The following NCOA3 variants were observed in gnomAD, a reference collection of about 807,000 sequenced individuals.
NCOA3 encodes the protein CBP-interacting protein.
NCOA3 carries 51 observed loss-of-function variants against 158.8 expected under a neutral mutation model. The ratio of observed to expected loss-of-function variants is 0.32; its 90% CI spans 0.26 to 0.41. The LOEUF is 0.41. Ranked by LOEUF, NCOA3 falls within the 10% of genes least tolerant of loss-of-function variation. The probability of loss-of-function intolerance (pLI) is 1.00; values close to 1 mark genes in which losing one functional copy is unlikely to be tolerated. For missense variants in NCOA3, 1,510 were observed against 1,746.6 expected, an observed-to-expected ratio of 0.86 and a Z score of 2.41; for synonymous variants, 537 against 592.4, an observed-to-expected ratio of 0.91 and a Z score of 1.36.
chr20:47,605,028 C>T (rs1416816681), intron 2 of NCOA3, among the ~76,000 whole-genome samples: 4 of 152,100 alleles, frequency 2.6e-5, no homozygotes, highest in African/African-American at 7.2e-5. Context: ...CCACTACCCC[C>T]GGCCAATCTT....
chr20:47,635,629 G>A lies in NCOA3; in HGVS notation c.1420G>A (p.Ala474Thr). 6.2e-7 allele frequency: 1 copy of A among 1,614,184 alleles called. No individual in the cohort carries two copies. Among genetic ancestry groups the A allele is most frequent in the Non-Finnish European group, 8.5e-7 (1 of 1,180,034 alleles). Residue 474 changes from alanine to threonine, a missense_variant, in exon 11 of 23, where the codon GCC becomes ACC. This residue lies in a region of NCOA3 where 1,017 missense variants were observed against 1,098.3 expected (regional missense o/e 0.93). Transcript: ENST00000371998. Reference sequence around the variant, plus strand: ...CCCCCCACATGGGAGTCCTGGTCTTGCCCCAAACCAGCAGAATATCATGAT... The same window carrying A: ...CCCCCCACATGGGAGTCCTGGTCTTACCCCAAACCAGCAGAATATCATGAT... ...SSPPHGSPGL[A>T]PNQQNIMISP...
chr20:47,559,813 G>T (rs902941805), intron 1 of NCOA3, among the ~76,000 whole-genome samples: 3 of 152,050 alleles, frequency 2.0e-5, no homozygotes, highest in Non-Finnish European at 4.4e-5. Context: ...ACCACACCTG[G>T]CTAATTTTTT....
rs1485938037 is a variant in NCOA3, at chr20:47,651,027, C to G, written c.3697C>G (p.Leu1233Val). 1 of 1,614,170 alleles carries G rather than the reference C, an allele frequency of 6.2e-7. No individual in the cohort carries two copies. The highest frequency in any genetic ancestry group is 1.1e-5 in the South Asian group (1 of 91,090). ...AATGGTCGCCCAACGCAGCAGAGAG[C>G]TGCTAAGTCATCACTTCCGACAACA... ...AQMVAQRSRE[L>V]LSHHFRQQRV... The change falls in exon 20 of 23, where the codon CTG (leucine) becomes GTG (valine). Residue 1233 changes from leucine (L) to valine (V), a missense_variant. Coordinates refer to ENST00000371998, the MANE Select transcript of NCOA3 (RefSeq NM_181659.3).
At chr20:47,581,589 C>T (rs1175125928) in intron 1 of NCOA3, among the ~76,000 whole-genome samples, 2 of 152,148 alleles carry the variant, frequency 1.3e-5, no homozygotes, top group Non-Finnish European at 2.9e-5. Context: ...ACAGATCTAC[C>T]AATTCCAGCA....
chr20:47,618,407 G>A (rs1237643840), intron 2 of NCOA3, among the ~76,000 whole-genome samples: 1 of 137,044 alleles, frequency 7.3e-6, no homozygotes, highest in African/African-American at 2.8e-5. Context: ...AGGCTGGAGT[G>A]CCAATGGCCC....
chr20:47,511,556 T>TATATATATATATACATACA (rs1569310943), intron 1 of NCOA3, among the ~76,000 whole-genome samples: 1 of 30,198 alleles, frequency 3.3e-5, no homozygotes, highest in Non-Finnish European at 1.0e-4. Context: ...TATATATATA[T>TATATATATATATACATACA]TTCTTTTTTT....
At chr20:47,543,523 TC>T (rs969009425) in intron 1 of NCOA3, among the ~76,000 whole-genome samples, 1 of 151,922 alleles carries the variant, frequency 6.6e-6, no homozygotes, top group African/African-American at 2.4e-5. Context: ...TTTTTTTTTT[TC>T]CTTTGGAGAG....
At chr20:47,522,064 C>T (rs948283393) in intron 1 of NCOA3, among the ~76,000 whole-genome samples, 1 of 146,706 alleles carries the variant, frequency 6.8e-6, no homozygotes, top group Non-Finnish European at 1.5e-5. Context: ...ATTTAGTTTC[C>T]GTTAGCAGTG....
At chr20:47,571,394 T>G (rs1284613682) in intron 1 of NCOA3, among the ~76,000 whole-genome samples, 2 of 151,516 alleles carry the variant, frequency 1.3e-5, no homozygotes, top group Non-Finnish European at 2.9e-5. Context: ...CTTGGCTCAC[T>G]GCAACCTTCA....
At chr20:47,523,225 C>T (rs1386534852) in intron 1 of NCOA3, among the ~76,000 whole-genome samples, 1 of 152,168 alleles carries the variant, frequency 6.6e-6, no homozygotes, top group Non-Finnish European at 1.5e-5. Context: ...CCAAGGACCC[C>T]TTTTCCTATA....
At chr20:47,575,573 T>C (rs889763975) in intron 1 of NCOA3, among the ~76,000 whole-genome samples, 2 of 152,230 alleles carry the variant, frequency 1.3e-5, no homozygotes, top group Non-Finnish European at 2.9e-5. Context: ...TCAGCAGTTA[T>C]ATTAAGTCAC....
chr20:47,547,323 C>T (rs911851867), intron 1 of NCOA3, among the ~76,000 whole-genome samples: 2 of 150,562 alleles, frequency 1.3e-5, no homozygotes, highest in African/African-American at 4.9e-5. Context: ...TTCTGGGTCA[C>T]AGCATATCGT....
At chr20:47,595,297 C>G (rs1228960702) in intron 2 of NCOA3, among the ~76,000 whole-genome samples, 1 of 151,956 alleles carries the variant, frequency 6.6e-6, no homozygotes, top group Non-Finnish European at 1.5e-5. Context: ...GGGGTTTCAC[C>G]ATGTTGGCCA....
chr20:47,585,251 C>T (rs1195190535), intron 2 of NCOA3, among the ~76,000 whole-genome samples: 1 of 151,986 alleles, frequency 6.6e-6, no homozygotes, highest in East Asian at 1.9e-4. Context: ...GGGATTTCAC[C>T]ATGTTGGCCA....
Position 47,652,534 on chromosome 20 carries a change from T to C in NCOA3, c.4075T>C (p.Ser1359Pro). 6.2e-7 allele frequency: 1 copy of C among 1,613,240 alleles called. No individual in the cohort carries two copies. The highest frequency in any genetic ancestry group is 2.2e-5 in the East Asian group (1 of 44,848). ...QHPQAASIYQSSEMKGWPSGN... is the reference protein window; with the variant it reads ...QHPQAASIYQPSEMKGWPSGN... ...CCCGCAGGCTGCATCCATCTATCAG[T>C]CCTCAGAAATGAAGGGCTGGCCATC... is the stretch of plus-strand genomic sequence containing the variant. The change falls in exon 21 of 23, where the codon TCC (serine) becomes CCC (proline). Residue 1359 changes from serine (S) to proline (P), a missense_variant. Transcript: ENST00000371998.
At chr20:47,511,628 G>A (rs1388755718) in intron 1 of NCOA3, among the ~76,000 whole-genome samples, 2 of 141,550 alleles carry the variant, frequency 1.4e-5, no homozygotes, top group Admixed American at 7.6e-5. Flanking sequence ...TCAGATCACC[G>A]CAACCTCCAC....
Position 47,635,331 on chromosome 20 carries a change from T to C in NCOA3, c.1122T>C (p.Asn374=), listed in dbSNP as rs758098024. The C allele has an allele frequency of 6.3e-7, 1 of 1,591,004 alleles. No individual in the cohort carries two copies. The highest frequency in any genetic ancestry group is 1.3e-5 in the African/African-American group (1 of 74,442). ...VSTHFLQREQ[N]GYRPNPNPVG... ...GATGTTTGTTTTGCAGAGAACAGAA[T>C]GGATATAGACCAAACCCAAATCCTG... The change falls in exon 11 of 23, where the codon AAT becomes AAC. Residue 374 remains asparagine, a synonymous_variant. Transcript: ENST00000371998.
chr20:47,621,021 A>T (rs967344447), intron 2 of NCOA3, among the ~76,000 whole-genome samples: 4 of 152,198 alleles, frequency 2.6e-5, no homozygotes, highest in African/African-American at 7.2e-5. Flanking sequence ...CACTACTAAT[A>T]AAGGTTATTT....
intron 9 of NCOA3, 148 bp from the exon 10 acceptor site, chr20:47,633,900 A>C: frequency 9.3e-7 from 1 of 1,079,020 alleles, no homozygotes; most frequent in Non-Finnish European, 1.3e-6. Flanking sequence ...GAGTGTTCTT[A>C]TTTTACCCTG....
Sources: allele counts gnomAD v4.1 joint callset (sites outside exome capture counted in the v4.1 genomes callset), GRCh38; gene constraint gnomAD v4.1.1; regional missense constraint gnomAD v4.1.1; transcripts MANE v1.5; gene names NCBI Gene and HGNC (gene_info 2026-07-23, HGNC 2026-07-21).